NTRK2: variants seen among roughly 807,000 people sequenced by gnomAD.
The protein encoded by NTRK2 is neurotrophic receptor tyrosine kinase 2.
Under a neutral mutation model 94.5 loss-of-function variants are expected in NTRK2, and 13 were observed. That is an observed-to-expected ratio of 0.14 (90% confidence interval 0.09 to 0.22). The LOEUF is 0.22. NTRK2 is among the 10% of genes least tolerant of loss of function. NTRK2 has a pLI of 1.00. For missense variants in NTRK2, 639 were observed against 1,071.2 expected (o/e 0.60, Z 5.63); for synonymous variants, 372 against 407.4 (o/e 0.91, Z 1.05).
chr9:84,926,169 C>CCTTGCTTGCTTTCTTT (rs2077790007), intron 14 of NTRK2, among the ~76,000 whole-genome samples: 1 of 38,514 alleles, frequency 2.6e-5, no homozygotes, highest in African/African-American at 9.2e-5. Flanking sequence ...TTCCTTCCTT[C>CCTTGCTTGCTTTCTTT]CTTTCTTTCT....
At chr9:84,750,229 C>T (rs951170085) in intron 11 of NTRK2, among the ~76,000 whole-genome samples, 1 of 152,074 alleles carries the variant, frequency 6.6e-6, no homozygotes, top group African/African-American at 2.4e-5. Context: ...TGTGACAACC[C>T]CAAATTGTCA....
intron 14 of NTRK2, chr9:84,873,414 G>A (rs2075945039): frequency 9.4e-7 from 1 of 1,058,856 alleles, no homozygotes; most frequent in African/African-American, 1.6e-5. Flanking sequence ...GGCACACTGG[G>A]TTGACGACTC....
intron 6 of NTRK2, among the ~76,000 whole-genome samples, chr9:84,720,765 C>A (rs1019791476): frequency 3.3e-5 from 5 of 152,008 alleles, no homozygotes; most frequent in Admixed American, 3.3e-4. Flanking sequence ...AGAGACATTG[C>A]ATCCATGGAA....
At chr9:84,674,237 T>C (rs766318763) in intron 2 of NTRK2, among the ~76,000 whole-genome samples, 15 of 152,202 alleles carry the variant, frequency 9.9e-5, no homozygotes, top group Non-Finnish European at 1.6e-4. Flanking sequence ...TGAAGACTAA[T>C]AGGGATCTTT....
chr9:84,932,565 A>G lies in NTRK2; in HGVS notation c.1634-1597A>G, dbSNP rs575038498. Among the ~76,000 whole-genome samples the G allele has an allele frequency of 4.6e-5, 7 of 152,316 alleles. No homozygotes were observed. The East Asian group carries it at 9.6e-4, about 21-fold the overall frequency. On this transcript the variant is annotated intron_variant, in intron 14 of 18. Coordinates refer to ENST00000277120, the MANE Select transcript of NTRK2 (RefSeq NM_006180.6). ...ATATTTTCGTATAATGCAGTTCACA[A>G]TCAATTAAAAAAACATTTTAAAAAA...
chr9:84,953,217 C>T (rs1394120711), intron 16 of NTRK2, among the ~76,000 whole-genome samples: 1 of 152,234 alleles, frequency 6.6e-6, no homozygotes, highest in Non-Finnish European at 1.5e-5. Context: ...AGCCCTGTTA[C>T]AGGCCAGTTA....
chr9:84,954,489 C>T (rs1234454530), intron 16 of NTRK2, among the ~76,000 whole-genome samples: 1 of 152,166 alleles, frequency 6.6e-6, no homozygotes, highest in African/African-American at 2.4e-5. Flanking sequence ...ATAGTGTAAA[C>T]AATAAAATTT....
chr9:84,704,780 G>GT (rs2060945653), intron 4 of NTRK2, among the ~76,000 whole-genome samples: 1 of 152,222 alleles, frequency 6.6e-6, no homozygotes, highest in African/African-American at 2.4e-5. Context: ...TCAGATGGCA[G>GT]TAAGCTTCAT....
At chr9:84,798,096 G>A (rs542239325) in intron 12 of NTRK2, among the ~76,000 whole-genome samples, 22 of 151,092 alleles carry the variant, frequency 1.5e-4, no homozygotes, top group Admixed American at 1.0e-3. Context: ...TGGGAAGTCC[G>A]ATATCAAGGC....
intron 14 of NTRK2, among the ~76,000 whole-genome samples, chr9:84,885,583 T>C (rs376961332): frequency 3.3e-5 from 5 of 152,032 alleles, no homozygotes; most frequent in African/African-American, 4.8e-5. Flanking sequence ...ACTGAAACAA[T>C]AAACAGAGTT....
At chr9:84,880,835 C>A (rs2076233368) in intron 14 of NTRK2, among the ~76,000 whole-genome samples, 1 of 152,192 alleles carries the variant, frequency 6.6e-6, no homozygotes, top group Non-Finnish European at 1.5e-5. Flanking sequence ...TATTTTCTGA[C>A]TCAATGTTTA....
rs115955097 is a variant in NTRK2 at position 84,701,416 on chromosome 9, C to T, written c.213-743C>T. On this transcript the variant is annotated intron_variant, in intron 2 of 18. Coordinates refer to ENST00000277120, the MANE Select transcript of NTRK2 (RefSeq NM_006180.6). ...TCCCCAGCATTCATTTATTTAATCT[C>T]GGGGAAGACTCCTCTTAGTGTAATT... is the stretch of plus-strand genomic sequence containing the variant. Among the ~76,000 whole-genome samples, 1,072 of 152,204 alleles carry T rather than the reference C, an allele frequency of 7.0e-3. 15 individuals carry two copies. The highest frequency in any genetic ancestry group is 0.025 in the African/African-American group (1,024 of 41,530).
At chr9:84,927,263 C>T (rs2077853494) in intron 14 of NTRK2, among the ~76,000 whole-genome samples, 1 of 152,180 alleles carries the variant, frequency 6.6e-6, no homozygotes, top group African/African-American at 2.4e-5. Context: ...TACTTAACAC[C>T]TTGTCTTAAC....
intron 17 of NTRK2, among the ~76,000 whole-genome samples, chr9:84,978,047 C>A (rs1827115675): frequency 6.6e-6 from 1 of 152,142 alleles, no homozygotes; most frequent in South Asian, 2.1e-4. Context: ...TCTCCCTTTC[C>A]CTGGGCCTCT....
intron 17 of NTRK2, among the ~76,000 whole-genome samples, chr9:84,991,125 G>T (rs1480025942): frequency 1.3e-5 from 2 of 152,076 alleles, no homozygotes; most frequent in African/African-American, 4.8e-5. Flanking sequence ...ACCTTATATT[G>T]ACACATTTCC....
intron 12 of NTRK2, among the ~76,000 whole-genome samples, chr9:84,774,819 A>G (rs1204728798): frequency 1.3e-5 from 2 of 152,218 alleles, no homozygotes; most frequent in East Asian, 1.9e-4. Context: ...AAACTAGCGC[A>G]TGGAATAATG....
intron 9 of NTRK2, among the ~76,000 whole-genome samples, chr9:84,730,331 C>G (rs889774123): frequency 1.3e-5 from 2 of 152,158 alleles, no homozygotes; most frequent in African/African-American, 4.8e-5. Flanking sequence ...AGAGATTGAC[C>G]CCACTTGGCT....
chr9:84,835,189 T>A (rs932659488), intron 12 of NTRK2, among the ~76,000 whole-genome samples: 2 of 152,218 alleles, frequency 1.3e-5, no homozygotes, highest in South Asian at 4.1e-4. Context: ...AGTGTGGCTA[T>A]CTTTCAGAGT....
chr9:84,996,163 T>C (rs1387698051), intron 17 of NTRK2, among the ~76,000 whole-genome samples: 2 of 152,216 alleles, frequency 1.3e-5, no homozygotes, highest in Non-Finnish European at 1.5e-5. Context: ...GAAGAGTGAA[T>C]AGATTTAGCA....
Sources: gnomAD v4.1 joint callset for allele counts (sites outside exome capture counted in the v4.1 genomes callset) on GRCh38, gnomAD v4.1.1 for gene constraint, MANE v1.5 for transcripts, NCBI Gene and HGNC (gene_info 2026-07-23, HGNC 2026-07-21) for gene names.